Variants in STK32B observed in about 807,000 individuals in gnomAD.
The protein encoded by STK32B is serine/threonine kinase 32B.
STK32B carries 43 observed loss-of-function variants against 52.6 expected under a neutral mutation model. The ratio of observed to expected loss-of-function variants is 0.82; its 90% CI spans 0.64 to 1.05. STK32B has a LOEUF of 1.05. STK32B is among the 50% of genes least tolerant of loss of function. The probability of loss-of-function intolerance (pLI) is 0.00; values close to 1 mark genes in which losing one functional copy is unlikely to be tolerated. For synonymous variants in STK32B, 238 were observed against 204.3 expected (o/e 1.17, Z -1.41); for missense variants, 621 against 534.6 (o/e 1.16, Z -1.59).
chr4:5,337,145 A>ATT (rs55790354), intron 4 of STK32B, among the ~76,000 whole-genome samples: 8,281 of 142,922 alleles, frequency 0.058, 517 homozygotes, highest in Admixed American at 0.18. Context: ...TCCCTGGCCA[A>ATT]TTTTTTTTTT....
At chr4:5,241,124 A>T (rs1425697755) in intron 3 of STK32B, among the ~76,000 whole-genome samples, 2 of 151,966 alleles carry the variant, frequency 1.3e-5, no homozygotes, top group Non-Finnish European at 2.9e-5. Context: ...TCACTGGTGG[A>T]TTTTTTAATA....
intron 6 of STK32B, among the ~76,000 whole-genome samples, chr4:5,425,560 G>C (rs76605558): frequency 0.014 from 2,154 of 152,064 alleles, 47 homozygotes; most frequent in African/African-American, 0.049. Context: ...TAAAACATAA[G>C]TATTCCTACC....
At chr4:5,455,406 G>A (rs1473451288) in intron 7 of STK32B, among the ~76,000 whole-genome samples, 1 of 152,242 alleles carries the variant, frequency 6.6e-6, no homozygotes, top group African/African-American at 2.4e-5. Context: ...AGCGGATCAT[G>A]CTTCTACATA....
At chr4:5,240,563 G>T (rs889110643) in intron 3 of STK32B, among the ~76,000 whole-genome samples, 59 of 152,198 alleles carry the variant, frequency 3.9e-4, no homozygotes, top group Admixed American at 2.1e-3. Context: ...GGGTTCAAGC[G>T]ATTTTTCTGC....
chr4:5,410,080 G>A (rs555827496), intron 5 of STK32B, among the ~76,000 whole-genome samples: 1 of 152,162 alleles, frequency 6.6e-6, no homozygotes, highest in African/African-American at 2.4e-5. Flanking sequence ...GAATAGTTCT[G>A]TGTGGTGCCC....
chr4:5,278,525 T>C (rs1727988694), intron 3 of STK32B, among the ~76,000 whole-genome samples: 2 of 152,108 alleles, frequency 1.3e-5, no homozygotes, highest in Non-Finnish European at 2.9e-5. Flanking sequence ...CAAAAATCTG[T>C]CCGTCAGCAC....
At chr4:5,375,007 AT>A (rs1409199865) in intron 4 of STK32B, among the ~76,000 whole-genome samples, 1 of 152,156 alleles carries the variant, frequency 6.6e-6, no homozygotes, top group Non-Finnish European at 1.5e-5. Flanking sequence ...TTGAGTAGGA[AT>A]TTCTAGAGAA....
At chr4:5,224,049 C>T (rs1723711686) in intron 3 of STK32B, among the ~76,000 whole-genome samples, 2 of 152,104 alleles carry the variant, frequency 1.3e-5, no homozygotes, top group Admixed American at 1.3e-4. Context: ...GAGTAAATCT[C>T]ACCTTTGAAT....
At chr4:5,472,902 C>T (rs947998092) in intron 11 of STK32B, among the ~76,000 whole-genome samples, 7 of 152,062 alleles carry the variant, frequency 4.6e-5, no homozygotes, top group Admixed American at 3.3e-4. Context: ...TTGTGAGGGC[C>T]ATCCTGTGCC....
At chr4:5,150,680 C>T (rs1717285779) in intron 2 of STK32B, among the ~76,000 whole-genome samples, 1 of 151,952 alleles carries the variant, frequency 6.6e-6, no homozygotes, top group East Asian at 1.9e-4. Context: ...TGAGGCTCCA[C>T]TTGGATTTCT....
intron 3 of STK32B, among the ~76,000 whole-genome samples, chr4:5,227,137 A>C (rs986017206): frequency 6.6e-6 from 1 of 152,200 alleles, no homozygotes; most frequent in South Asian, 2.1e-4. Context: ...AGAAGTGAGA[A>C]ATATTTTAAT....
rs1176822030 is a variant in STK32B at position 5,378,412 on chromosome 4, C to CATTAT, written c.435-19792_435-19791insATATT. Reference sequence around the variant, plus strand: ...GCCTGGGTCGTAGCCCTGGACTTTGCATTTTATTTTATTTTTTTCCTTTAT... The same window carrying CATTAT: ...GCCTGGGTCGTAGCCCTGGACTTTGCATTATATTTTATTTTATTTTTTTCCTTTAT... On this transcript the variant is annotated intron_variant, in intron 4 of 11. Coordinates refer to ENST00000282908, the MANE Select transcript of STK32B (RefSeq NM_018401.3). This position sits in a 1 kb window ranked among gnomAD's most constrained non-coding sequence, Gnocchi z 4.4. 1.1e-3 allele frequency among the ~76,000 whole-genome samples: 174 copies of CATTAT among 152,260 alleles called. No individual in the cohort carries two copies. The highest frequency in any genetic ancestry group is 4.0e-3 in the African/African-American group (165 of 41,532).
intron 3 of STK32B, among the ~76,000 whole-genome samples, chr4:5,209,690 A>T (rs959078378): frequency 6.6e-6 from 1 of 152,190 alleles, no homozygotes; most frequent in Non-Finnish European, 1.5e-5. Context: ...ATCTACACCA[A>T]GCACCTCTGT....
At chr4:5,338,973 G>A (rs968673740) in intron 4 of STK32B, among the ~76,000 whole-genome samples, 21 of 152,174 alleles carry the variant, frequency 1.4e-4, no homozygotes, top group African/African-American at 5.1e-4. Context: ...ACTGCATGAA[G>A]CAGATGGCCC....
At chr4:5,323,982 G>A (rs1407104123) in intron 3 of STK32B, among the ~76,000 whole-genome samples, 1 of 152,192 alleles carries the variant, frequency 6.6e-6, no homozygotes, top group African/African-American at 2.4e-5. Flanking sequence ...TGAACCTCAT[G>A]GTCTTGAGCT....
chr4:5,136,822 C>T (rs1577094436), intron 1 of STK32B, among the ~76,000 whole-genome samples: 1 of 152,144 alleles, frequency 6.6e-6, no homozygotes, highest in Non-Finnish European at 1.5e-5. Flanking sequence ...ATGTCAGTGT[C>T]AGTGTAGTAC....
intron 1 of STK32B, among the ~76,000 whole-genome samples, chr4:5,119,869 T>C (rs1315521632): frequency 1.3e-5 from 2 of 152,188 alleles, no homozygotes; most frequent in African/African-American, 4.8e-5. Flanking sequence ...TTTTAATAAT[T>C]TTTCTCTTTT....
At chr4:5,115,658 G>A (rs1263748980) in intron 1 of STK32B, among the ~76,000 whole-genome samples, 2 of 151,108 alleles carry the variant, frequency 1.3e-5, no homozygotes, top group Non-Finnish European at 2.9e-5. Context: ...CCCAGCCCAG[G>A]GAGGAGTTTC....
chr4:5,032,967 G>T, the STK32B span, among the ~76,000 whole-genome samples: 1 of 152,100 alleles, frequency 6.6e-6, no homozygotes, highest in Non-Finnish European at 1.5e-5. Context: ...TCTATAAAAT[G>T]GAGGCCACAC....
Sources: gnomAD v4.1 joint callset for allele counts (sites outside exome capture counted in the v4.1 genomes callset) on GRCh38, gnomAD v4.1.1 for gene constraint, Gnocchi (gnomAD v3.1) non-coding constraint, MANE v1.5 for transcripts, NCBI Gene and HGNC (gene_info 2026-07-23, HGNC 2026-07-21) for gene names.